Variants in TRIO observed in about 807,000 individuals in gnomAD.
TRIO encodes the protein trio Rho guanine nucleotide exchange factor.
Under a neutral mutation model 351.9 loss-of-function variants are expected in TRIO, and 58 were observed. The ratio of observed to expected loss-of-function variants is 0.16; its 90% CI spans 0.13 to 0.21. TRIO has a LOEUF of 0.21. TRIO is among the 10% of genes least tolerant of loss of function. The pLI, the probability that TRIO is intolerant of heterozygous loss-of-function variation, is 1.00. For missense variants in TRIO, 3,201 were observed against 4,027.8 expected (o/e 0.79, Z 5.56); for synonymous variants, 1,758 against 1,595.7 (o/e 1.10, Z -2.42).
At chr5:14,304,344 A>C (rs1738177608) in intron 7 of TRIO, 117 bp from the exon 8 acceptor site, 1 of 1,053,244 alleles carries the variant, frequency 9.5e-7, no homozygotes, top group Non-Finnish European at 1.4e-6. Flanking sequence ...AGAGTCAACC[A>C]TGTTAAATTC....
rs375614584 is a variant in TRIO, at chr5:14,219,498, A to G, written c.158-51327A>G. On this transcript the variant is annotated intron_variant, in intron 1 of 56. Coordinates refer to ENST00000344204, the MANE Select transcript of TRIO (RefSeq NM_007118.4). ...CCCGCGTGTTTGGATGGCTCTATCA[A>G]AGCCTTAGGCTGTTTCTGGCCGGAG... Among the ~76,000 whole-genome samples the G allele has an allele frequency of 4.0e-4, 61 of 152,302 alleles. 1 individual carries two copies. The South Asian group carries it at 0.012, about 29-fold the overall frequency.
Position 14,498,187 on chromosome 5 carries a change from A to G in TRIO, c.8146A>G (p.Ile2716Val), listed in dbSNP as rs773161554. 39 of 1,614,068 alleles carry G rather than the reference A, an allele frequency of 2.4e-5. No homozygotes were observed. Among genetic ancestry groups the G allele is most frequent in the Middle Eastern group, 1.6e-4 (1 of 6,084 alleles). Residue 2716 changes from isoleucine (I) to valine (V), a missense_variant, in exon 52 of 57, where the codon ATT becomes GTT. Physicochemically the swap from Ile to Val is conservative, Grantham distance 29. Coordinates refer to ENST00000344204, the MANE Select transcript of TRIO (RefSeq NM_007118.4). Reference sequence around the variant, plus strand: ...AGTCTGTGGCCGCCCCAAAGCCTCAATTACCTGGAAGGGCCCTGAACACAA... The same window carrying G: ...AGTCTGTGGCCGCCCCAAAGCCTCAGTTACCTGGAAGGGCCCTGAACACAA... Reference protein sequence around the residue: ...CRVCGRPKASITWKGPEHNTL... With the variant: ...CRVCGRPKASVTWKGPEHNTL...
At position 14,305,764 on chromosome 5, in the gene TRIO, A is replaced by G. The variant is rs1023974101; in HGVS notation, c.1500+1172A>G. 4.6e-5 allele frequency among the ~76,000 whole-genome samples: 7 copies of G among 152,342 alleles called. No homozygotes were observed. The East Asian group carries it at 1.4e-3, about 29-fold the overall frequency. On this transcript the variant is annotated intron_variant, in intron 8 of 56. Coordinates refer to ENST00000344204, the MANE Select transcript of TRIO (RefSeq NM_007118.4). ...ATCCTAGTGTCCCTGAGCGAATTAA[A>G]TGGACATGTGATTTGCTGCTACAGT...
chr5:14,492,953 G>T, intron 49 of TRIO, 139 bp downstream of exon 49: 1 of 1,345,778 alleles, frequency 7.4e-7, no homozygotes, highest in East Asian at 2.5e-5. Context: ...TCAGCTCTGA[G>T]CACGTGGGAA....
chr5:14,457,456 G>T (rs1374098559), intron 34 of TRIO, among the ~76,000 whole-genome samples: 1 of 141,546 alleles, frequency 7.1e-6, no homozygotes, highest in Non-Finnish European at 1.5e-5. Context: ...AACCTGCCAG[G>T]TAAGCAGGAA....
At chr5:14,452,398 G>C (rs1001273855) in intron 34 of TRIO, among the ~76,000 whole-genome samples, 1 of 152,150 alleles carries the variant, frequency 6.6e-6, no homozygotes, top group African/African-American at 2.4e-5. Flanking sequence ...CCTGGTAAAG[G>C]CTAGAGGAAT....
intron 36 of TRIO, 129 bp from the exon 37 acceptor site, chr5:14,465,416 A>G (rs1754175182): frequency 3.7e-6 from 3 of 821,792 alleles, no homozygotes; most frequent in Non-Finnish European, 5.9e-6. Flanking sequence ...GTAAACAAAG[A>G]CAAACTTGTG....
chr5:14,272,021 G>A (rs1414699000), intron 2 of TRIO, among the ~76,000 whole-genome samples: 2 of 152,144 alleles, frequency 1.3e-5, no homozygotes, highest in African/African-American at 4.8e-5. Flanking sequence ...ATGAAAAGAA[G>A]GTGCTTTAAA....
At position 14,414,627 on chromosome 5, in the gene TRIO, TA is replaced by T. The variant is rs199821134; in HGVS notation, c.4960-5141del. Reference sequence around the variant, plus strand: ...CGATTTTTTTTTCTTTAATTGTGGTTAAAAAAAAAATGTAACGTAAAGTTTA... The same window carrying T: ...CGATTTTTTTTTCTTTAATTGTGGTTAAAAAAAAATGTAACGTAAAGTTTA... On this transcript the variant is annotated intron_variant, in intron 33 of 56. Transcript: ENST00000344204. 1.4e-3 allele frequency among the ~76,000 whole-genome samples: 210 copies of T among 150,250 alleles called. 3 individuals are homozygous for T. The highest frequency in any genetic ancestry group is 3.9e-3 in the African/African-American group (162 of 41,112).
intron 1 of TRIO, among the ~76,000 whole-genome samples, chr5:14,152,986 C>A (rs533082727): frequency 6.6e-6 from 1 of 152,352 alleles, no homozygotes; most frequent in East Asian, 1.9e-4. Context: ...TTAGGCCTTT[C>A]TCTCATACCT....
At chr5:14,461,724 C>T (rs1579725832) in intron 35 of TRIO, among the ~76,000 whole-genome samples, 1 of 152,332 alleles carries the variant, frequency 6.6e-6, no homozygotes, top group African/African-American at 2.4e-5. Context: ...ATTGTGGCAG[C>T]ATTTTGCAGA....
intron 34 of TRIO, among the ~76,000 whole-genome samples, chr5:14,450,300 G>A (rs1285821445): frequency 6.6e-6 from 1 of 152,220 alleles, no homozygotes; most frequent in Non-Finnish European, 1.5e-5. Flanking sequence ...TCACAAAGAA[G>A]AGCAGTTGTT....
In TRIO at chr5:14,358,091, T is replaced by C. The variant is rs114189897; in HGVS notation, c.2047-87T>C. 3,215 of 1,471,766 alleles carry C rather than the reference T, an allele frequency of 2.2e-3. 47 individuals are homozygous for C. In the African/African-American group the frequency reaches 0.039, roughly 18 times the overall value. 91.2% of individuals were successfully genotyped at this position (1,471,766 alleles called of 1,614,324 possible). ...CCCTCCCAGGGCAAGTCACACACCG[T>C]CTCCACTGGGGCCCCTTGGACACCG... On this transcript the variant is annotated intron_variant, in intron 11 of 56. Coordinates refer to ENST00000344204, the MANE Select transcript of TRIO (RefSeq NM_007118.4).
chr5:14,402,826 G>T (rs1748202222), intron 31 of TRIO, among the ~76,000 whole-genome samples: 1 of 152,064 alleles, frequency 6.6e-6, no homozygotes, highest in Admixed American at 6.6e-5. Flanking sequence ...TTTGGTGGCA[G>T]TGGTAGTACA....
intron 1 of TRIO, among the ~76,000 whole-genome samples, chr5:14,158,655 G>A (rs568709236): frequency 1.2e-4 from 18 of 152,166 alleles, no homozygotes; most frequent in African/African-American, 4.1e-4. Context: ...AACATAGTGA[G>A]ATTCAGTATC....
At chr5:14,325,888 C>T (rs929697521) in intron 9 of TRIO, among the ~76,000 whole-genome samples, 2 of 152,194 alleles carry the variant, frequency 1.3e-5, no homozygotes, top group African/African-American at 4.8e-5. Context: ...GGGTTGGTAA[C>T]TATTCGCAGA....
At chr5:14,335,457 C>T (rs1005389938) in intron 10 of TRIO, among the ~76,000 whole-genome samples, 2 of 152,160 alleles carry the variant, frequency 1.3e-5, no homozygotes, top group Non-Finnish European at 2.9e-5. Flanking sequence ...CCCAGCGTCT[C>T]CCGGGGCTCC....
intron 2 of TRIO, among the ~76,000 whole-genome samples, chr5:14,276,184 T>C (rs1211591424): frequency 6.6e-6 from 1 of 152,206 alleles, no homozygotes; most frequent in African/African-American, 2.4e-5. Flanking sequence ...TGGTCTAGTT[T>C]TGCAGAGTAC....
At chr5:14,385,123 G>A (rs76726178) in intron 21 of TRIO, among the ~76,000 whole-genome samples, 1,709 of 152,268 alleles carry the variant, frequency 0.011, 40 homozygotes, top group African/African-American at 0.038. Context: ...TCCGTTGCTG[G>A]GGGAGTGGAG....
Sources: allele counts gnomAD v4.1 joint callset (sites outside exome capture counted in the v4.1 genomes callset), GRCh38; gene constraint gnomAD v4.1.1; transcripts MANE v1.5; gene names NCBI Gene and HGNC (gene_info 2026-07-23, HGNC 2026-07-21).